Variants in RPTOR observed in about 807,000 individuals in gnomAD.
The protein encoded by RPTOR is regulatory-associated protein of mTOR.
RPTOR carries 21 observed loss-of-function variants against 169.9 expected under a neutral mutation model. The observed-to-expected ratio is 0.12, with a 90% confidence interval of 0.09 to 0.18. The LOEUF (loss-of-function observed/expected upper bound fraction) is 0.18, where lower values mean the gene tolerates loss of function less well. Ranked by LOEUF, RPTOR falls within the 10% of genes least tolerant of loss-of-function variation. The pLI is 1.00. For missense variants in RPTOR, 1,133 were observed against 1,855.9 expected (o/e 0.61, Z 7.16); for synonymous variants, 732 against 753.2 (o/e 0.97, Z 0.46).
intron 25 of RPTOR, among the ~76,000 whole-genome samples, chr17:80,944,291 C>T (rs142342644): frequency 1.3e-5 from 2 of 152,168 alleles, no homozygotes; most frequent in African/African-American, 2.4e-5. Context: ...TGGATCCTGG[C>T]GACCACACCC....
intron 7 of RPTOR, among the ~76,000 whole-genome samples, chr17:80,794,705 T>C (rs1174913320): frequency 6.6e-6 from 1 of 152,212 alleles, no homozygotes; most frequent in African/African-American, 2.4e-5. Flanking sequence ...TGCATCCGTA[T>C]GATGGAATTC....
chr17:80,735,989 T>C (rs891206798), intron 5 of RPTOR, among the ~76,000 whole-genome samples: 13 of 152,092 alleles, frequency 8.5e-5, no homozygotes, highest in African/African-American at 3.1e-4. Flanking sequence ...CTGGGCAGCA[T>C]AGCGAAACCC....
intron 1 of RPTOR, 97 bp from the exon 2 acceptor site, chr17:80,625,594 G>A (rs1443300270): frequency 1.1e-6 from 1 of 925,562 alleles, no homozygotes; most frequent in African/African-American, 1.6e-5. Context: ...GGTAGGGAAG[G>A]GGCTCAATGT....
At chr17:80,786,545 G>A (rs1189016609) in intron 6 of RPTOR, among the ~76,000 whole-genome samples, 3 of 152,332 alleles carry the variant, frequency 2.0e-5, no homozygotes, top group Non-Finnish European at 2.9e-5. Context: ...ACCAGAGTAG[G>A]TTCAGAGTGA....
intron 23 of RPTOR, among the ~76,000 whole-genome samples, chr17:80,924,806 GCA>G (rs765916914): frequency 3.9e-5 from 6 of 152,222 alleles, no homozygotes; most frequent in African/African-American, 1.2e-4. Context: ...CACTCCACAA[GCA>G]CACACAGACT....
rs941325054 is a variant in RPTOR, at chr17:80,659,518, A to T, written c.348+15708A>T. ...GGCTAATTTTTATTTTTATTTATTT[A>T]TTTTTTTTCAGTTGGAGTTTCTCTC... On this transcript the variant is annotated intron_variant, in intron 3 of 33. Coordinates refer to ENST00000306801, the MANE Select transcript of RPTOR (RefSeq NM_020761.3). The surrounding 1 kb of genome is among the most constrained non-coding windows in gnomAD (Gnocchi z 4.3). Among the ~76,000 whole-genome samples, 2 of 150,950 alleles carry T rather than the reference A, an allele frequency of 1.3e-5. No individual in the cohort carries two copies. The highest frequency in any genetic ancestry group is 6.6e-5 in the Admixed American group (1 of 15,154).
chr17:80,778,434 T>C (rs1347092299), intron 6 of RPTOR, among the ~76,000 whole-genome samples: 1 of 152,218 alleles, frequency 6.6e-6, no homozygotes, highest in East Asian at 1.9e-4. Context: ...AAGCAGCAGT[T>C]AGAAAAATCA....
intron 9 of RPTOR, among the ~76,000 whole-genome samples, chr17:80,835,377 C>A (rs2067552595): frequency 6.6e-6 from 1 of 152,250 alleles, no homozygotes; most frequent in East Asian, 1.9e-4. Context: ...AACACAGAGT[C>A]CTCGAGTCTC....
chr17:80,788,501 T>C (rs1229014044), intron 6 of RPTOR, among the ~76,000 whole-genome samples: 1 of 152,138 alleles, frequency 6.6e-6, no homozygotes, highest in Admixed American at 6.5e-5. Flanking sequence ...ATTGTCTTCC[T>C]GCATCCTGTG....
chr17:80,608,488 G>A (rs1049644967), intron 1 of RPTOR, among the ~76,000 whole-genome samples: 4 of 152,100 alleles, frequency 2.6e-5, no homozygotes, highest in Non-Finnish European at 4.4e-5. Context: ...TCCAGATTAC[G>A]TCTTCTTTGG....
At chr17:80,925,616 G>A in intron 24 of RPTOR, 136 bp downstream of exon 24, 1 of 683,378 alleles carries the variant, frequency 1.5e-6, no homozygotes, top group Non-Finnish European at 2.5e-6. Flanking sequence ...TCACGGTTGA[G>A]GTAGAACCGC....
intron 20 of RPTOR, among the ~76,000 whole-genome samples, chr17:80,902,385 G>A (rs2068487490): frequency 1.3e-5 from 2 of 152,332 alleles, no homozygotes; most frequent in South Asian, 4.1e-4. Context: ...CCCTGGCCCG[G>A]CCCCTCTGCC....
chr17:80,964,195 G>C, intron 33 of RPTOR, 67 bp from the exon 34 acceptor site: 2 of 1,105,616 alleles, frequency 1.8e-6, no homozygotes, highest in Non-Finnish European at 2.7e-6. Flanking sequence ...GTTGGCCTGC[G>C]CCCCCCCGCC....
At chr17:80,756,110 A>G (rs1005681386) in intron 6 of RPTOR, among the ~76,000 whole-genome samples, 2 of 152,248 alleles carry the variant, frequency 1.3e-5, no homozygotes, top group African/African-American at 2.4e-5. Context: ...CCCACGCAAC[A>G]GTGTTGGGAG....
chr17:80,599,071 A>G (rs2065166914), intron 1 of RPTOR, among the ~76,000 whole-genome samples: 1 of 152,136 alleles, frequency 6.6e-6, no homozygotes, highest in Admixed American at 6.5e-5. Context: ...ACATGGCCAC[A>G]GGCAAGCTCT....
chr17:80,875,408 T>A (rs2068096004), intron 13 of RPTOR, among the ~76,000 whole-genome samples: 1 of 152,162 alleles, frequency 6.6e-6, no homozygotes, highest in Non-Finnish European at 1.5e-5. Context: ...TAAAAAAATA[T>A]AAGTTCCTGA....
At position 80,859,027 on chromosome 17, in the gene RPTOR, G is replaced by A. The variant is rs116436013; in HGVS notation, c.1509+1127G>A. Among the ~76,000 whole-genome samples, 637 of 152,252 alleles carry A rather than the reference G, an allele frequency of 4.2e-3. 5 individuals carry two copies. The highest frequency in any genetic ancestry group is 0.015 in the African/African-American group (604 of 41,546). On this transcript the variant is annotated intron_variant, in intron 13 of 33. Transcript: ENST00000306801. ...TCCAGGAGGGTGGGCAGAGGAGGTC[G>A]GGCTGCAGGGCTGGGAGGGCGGCAC... is the stretch of plus-strand genomic sequence containing the variant.
rs1432767017 is a variant in RPTOR at position 80,884,043 on chromosome 17, C to T, written c.1842+71C>T. The T allele has an allele frequency of 4.7e-6, 7 of 1,501,414 alleles. No homozygotes were observed. The Admixed American group carries it at 7.4e-5, about 16-fold the overall frequency. 93.0% of individuals were successfully genotyped at this position (1,501,414 alleles called of 1,614,324 possible). On this transcript the variant is annotated intron_variant, in intron 16 of 33. Transcript: ENST00000306801. ...TGCGGGGGTAAGGCAGAGGTCTGCT[C>T]GCGTGCGGGTGTGGCCGGCCACGTG...
intron 1 of RPTOR, among the ~76,000 whole-genome samples, chr17:80,554,012 G>A (rs1462327001): frequency 2.0e-5 from 3 of 152,114 alleles, no homozygotes; most frequent in African/African-American, 7.2e-5. Flanking sequence ...AAAGTGCTGG[G>A]ATTACAGGGG....
Sources: gnomAD v4.1 joint callset for allele counts (sites outside exome capture counted in the v4.1 genomes callset) on GRCh38, gnomAD v4.1.1 for gene constraint, Gnocchi (gnomAD v3.1) non-coding constraint, MANE v1.5 for transcripts, NCBI Gene and HGNC (gene_info 2026-07-23, HGNC 2026-07-21) for gene names.